Variants in USH2A observed in about 807,000 individuals in gnomAD.
The protein encoded by USH2A is Usher syndrome 2A (autosomal recessive, mild).
Under a neutral mutation model 538.9 loss-of-function variants are expected in USH2A, and 443 were observed. The ratio of observed to expected loss-of-function variants is 0.82; its 90% confidence interval spans 0.76 to 0.89. The LOEUF (loss-of-function observed/expected upper bound fraction) is 0.89. Ranked by LOEUF, USH2A falls within the 40% of genes least tolerant of loss-of-function variation. The pLI, the probability that USH2A is intolerant of heterozygous loss-of-function variation, is 0.00. For missense variants in USH2A, 6,633 were observed against 6,324.8 expected, an observed-to-expected ratio of 1.05 and a Z score of -1.65; for synonymous variants, 2,413 against 2,273.5, an observed-to-expected ratio of 1.06 and a Z score of -1.75.
chr1:216,369,754 A>AAT lies in USH2A; in HGVS notation c.652-4671_652-4670dup, dbSNP rs1462717837. Among the ~76,000 whole-genome samples the AAT allele has an allele frequency of 4.4e-3, 668 of 150,736 alleles. 5 individuals carry two copies. Among genetic ancestry groups the AAT allele is most frequent in the African/African-American group, 0.015 (619 of 41,038 alleles). On this transcript the variant is annotated intron_variant, in intron 3 of 71. Coordinates refer to ENST00000307340, the MANE Select transcript of USH2A (RefSeq NM_206933.4). ...AGTGAAACCCCGTCTGTACTTAAAA[A>AAT]ATATATATATATACAAAAATTAGCT...
chr1:216,206,498 G>A (rs1259710976), intron 16 of USH2A, among the ~76,000 whole-genome samples: 2 of 152,192 alleles, frequency 1.3e-5, no homozygotes, highest in South Asian at 2.1e-4. Context: ...ATCTCATGCC[G>A]CCACAGAACT....
chr1:216,382,833 C>A (rs546690381), intron 3 of USH2A, among the ~76,000 whole-genome samples: 1 of 152,210 alleles, frequency 6.6e-6, no homozygotes, highest in East Asian at 1.9e-4. Flanking sequence ...GTACATACAA[C>A]TTCTTATGTA....
intron 64 of USH2A, among the ~76,000 whole-genome samples, chr1:215,666,605 G>A (rs1244871881): frequency 6.6e-6 from 1 of 152,112 alleles, no homozygotes; most frequent in Non-Finnish European, 1.5e-5. Flanking sequence ...AGGGGAATGG[G>A]GACTGGGTAT....
intron 61 of USH2A, among the ~76,000 whole-genome samples, chr1:215,709,817 A>G (rs1167143208): frequency 3.9e-5 from 6 of 152,190 alleles, no homozygotes. Context: ...ATCATACTAA[A>G]CCTGTATTGT....
intron 49 of USH2A, among the ~76,000 whole-genome samples, chr1:215,811,127 C>T (rs1662660071): frequency 6.6e-6 from 1 of 152,194 alleles, no homozygotes; most frequent in African/African-American, 2.4e-5. Flanking sequence ...AGCCTACAAG[C>T]TACCCTGTCC....
At chr1:215,840,287 AT>A (rs1663642577) in intron 46 of USH2A, among the ~76,000 whole-genome samples, 3 of 151,502 alleles carry the variant, frequency 2.0e-5, no homozygotes, top group Admixed American at 1.3e-4. Flanking sequence ...AGTATTAGGC[AT>A]TCCAATCAAA....
In USH2A at chr1:216,050,637, C is replaced by T. The variant is rs187613576; in HGVS notation, c.6050-1990G>A. ...TTTTTTTTTTTGAGACAGAGTCTCG[C>T]TCAGTTGCCCAGGCTGGAGTGCTGT... On this transcript the variant is annotated intron_variant, in intron 30 of 71. Coordinates refer to ENST00000307340, the MANE Select transcript of USH2A (RefSeq NM_206933.4). Among the ~76,000 whole-genome samples, 73 of 96,478 alleles carry T rather than the reference C, an allele frequency of 7.6e-4. No homozygotes were observed. The East Asian group carries it at 0.018, about 23-fold the overall frequency. The allele number at this position is 96,478 out of a possible 152,430, so 63.3% of individuals were successfully genotyped here.
At chr1:215,729,075 C>CT (rs1031621032) in intron 60 of USH2A, among the ~76,000 whole-genome samples, 1 of 152,104 alleles carries the variant, frequency 6.6e-6, no homozygotes. Context: ...GGCTATATGA[C>CT]TTTTTTGGCT....
chr1:215,647,872 C>G, intron 66 of USH2A, 142 bp from the exon 67 acceptor site: 1 of 954,384 alleles, frequency 1.0e-6, no homozygotes, highest in South Asian at 1.4e-5. Flanking sequence ...TTGCAGGAAA[C>G]TGCTCTCAGA....
At chr1:215,630,402 G>GTA in intron 70 of USH2A, 1 of 381,794 alleles carries the variant, frequency 2.6e-6, no homozygotes, top group Admixed American at 3.0e-5. Flanking sequence ...ACCTGCATAT[G>GTA]TATATATGTG....
At chr1:215,830,307 G>A (rs953685324) in intron 47 of USH2A, among the ~76,000 whole-genome samples, 3 of 152,148 alleles carry the variant, frequency 2.0e-5, no homozygotes, top group African/African-American at 4.8e-5. Flanking sequence ...GCCCTGCTCC[G>A]AGGATGATCA....
intron 20 of USH2A, among the ~76,000 whole-genome samples, chr1:216,180,002 C>T (rs373698718): frequency 4.3e-4 from 66 of 152,164 alleles, no homozygotes; most frequent in African/African-American, 1.4e-3. Context: ...TTCCCATCTG[C>T]AACATGAGGA....
intron 22 of USH2A, among the ~76,000 whole-genome samples, chr1:216,090,417 T>C (rs888556685): frequency 7.3e-5 from 11 of 150,278 alleles, no homozygotes; most frequent in Non-Finnish European, 1.3e-4. Context: ...ATACAGAATT[T>C]CATGTTACCA....
At chr1:215,766,168 A>T (rs1661121154) in intron 56 of USH2A, among the ~76,000 whole-genome samples, 2 of 152,186 alleles carry the variant, frequency 1.3e-5, no homozygotes, top group South Asian at 4.1e-4. Context: ...TCCATCTCAG[A>T]AGTCATCTGC....
chr1:216,354,422 A>G (rs964804369), intron 4 of USH2A, among the ~76,000 whole-genome samples: 1 of 152,188 alleles, frequency 6.6e-6, no homozygotes, highest in South Asian at 2.1e-4. Context: ...CATGGCCCAG[A>G]TGTTGGAATT....
intron 20 of USH2A, 56 bp from the exon 21 acceptor site, chr1:216,175,538 C>A: frequency 7.0e-7 from 1 of 1,427,076 alleles, no homozygotes; most frequent in East Asian, 2.3e-5. Flanking sequence ...TCTCTAGACA[C>A]ACATATTCAC....
intron 30 of USH2A, among the ~76,000 whole-genome samples, chr1:216,058,660 C>T (rs1453441931): frequency 3.1e-5 from 4 of 127,032 alleles, no homozygotes; most frequent in East Asian, 3.9e-4. Flanking sequence ...TCCAAATATA[C>T]ATTTAAGTTG....
Position 215,640,730 on chromosome 1 carries a change from A to C in USH2A, c.14796T>G (p.Pro4932=), listed in dbSNP as rs1173056797. 1 of 1,604,660 alleles carries C rather than the reference A, an allele frequency of 6.2e-7. No homozygotes were observed. The highest frequency in any genetic ancestry group is 1.7e-5 in the Admixed American group (1 of 59,494). Residue 4932 remains proline, a synonymous_variant, in exon 68 of 72, where the codon CCT becomes CCG. Coordinates refer to ENST00000307340, the MANE Select transcript of USH2A (RefSeq NM_206933.4). ...CCACCGAAAATGGGGCTCGGTACTG[A>C]GGCACTGTGGGGAGAAAGTTGTATG... is the stretch of plus-strand genomic sequence containing the variant. ...WISFTTQKEL[P]QYRAPFSVDS...
chr1:216,406,533 C>T (rs554720439), intron 3 of USH2A, among the ~76,000 whole-genome samples: 1 of 152,250 alleles, frequency 6.6e-6, no homozygotes, highest in East Asian at 1.9e-4. Context: ...AACCAACAAG[C>T]ACTACCTATA....
Sources: gnomAD v4.1 joint callset for allele counts (sites outside exome capture counted in the v4.1 genomes callset) on GRCh38, gnomAD v4.1.1 for gene constraint, MANE v1.5 for transcripts, NCBI Gene and HGNC (gene_info 2026-07-23, HGNC 2026-07-21) for gene names.